SDCCAG8: variants seen among roughly 807,000 people sequenced by gnomAD.
SDCCAG8 encodes the protein serologically defined colon cancer antigen 8.
SDCCAG8 carries 74 observed loss-of-function variants against 101.8 expected under a neutral mutation model. That is an observed-to-expected ratio of 0.73 (90% CI 0.60 to 0.88). The LOEUF is 0.88. Ranked by LOEUF, SDCCAG8 falls within the 40% of genes least tolerant of loss-of-function variation. The pLI is 0.00. For missense variants in SDCCAG8, 787 were observed against 822.6 expected (o/e 0.96, Z 0.53); for synonymous variants, 281 against 292.9 (o/e 0.96, Z 0.41).
At chr1:243,328,511 A>T (rs1293256516) in intron 9 of SDCCAG8, among the ~76,000 whole-genome samples, 8 of 151,536 alleles carry the variant, frequency 5.3e-5, no homozygotes, top group Admixed American at 5.3e-4. Flanking sequence ...TCCTGACCTC[A>T]AGCAATCCAC....
At chr1:243,421,390 G>A (rs1016672492) in intron 15 of SDCCAG8, among the ~76,000 whole-genome samples, 2 of 152,202 alleles carry the variant, frequency 1.3e-5, no homozygotes, top group African/African-American at 4.8e-5. Context: ...CTCTGCCCCA[G>A]CTTCATGCTA....
chr1:243,497,751 A>T (rs372968026), intron 17 of SDCCAG8, among the ~76,000 whole-genome samples: 10 of 152,150 alleles, frequency 6.6e-5, no homozygotes, highest in Non-Finnish European at 1.3e-4. Context: ...CCCAAAATTC[A>T]TCACTGCAGC....
chr1:243,355,118 T>G (rs2076311424), intron 12 of SDCCAG8, among the ~76,000 whole-genome samples: 1 of 152,234 alleles, frequency 6.6e-6, no homozygotes. Flanking sequence ...TCAAGTTAAT[T>G]TAACTCTTTT....
intron 16 of SDCCAG8, among the ~76,000 whole-genome samples, chr1:243,478,956 C>CAAAACAAAAAAA (rs1662957018): frequency 1.1e-5 from 1 of 94,726 alleles, no homozygotes; most frequent in Non-Finnish European, 2.0e-5. Context: ...GACTCTGTCT[C>CAAAACAAAAAAA]AAAAAAAAAA....
rs778488043 is a variant in SDCCAG8 at position 243,499,765 on chromosome 1, A to G, written c.2122A>G (p.Met708Val). Residue 708 changes from methionine to valine, a missense_variant, in exon 18 of 18, where the codon ATG (methionine) becomes GTG (valine). Met to Val is a conservative substitution (Grantham distance 21). Transcript: ENST00000366541. ...TTATTATTTTTTCCAGTTACCCAGC[A>G]TGCCACAATCTGATTGCTGACCTGG... is the stretch of plus-strand genomic sequence containing the variant. ...VDRLRTQLPS[M>V]PQSDC 4 of 1,612,424 alleles carry G rather than the reference A, an allele frequency of 2.5e-6. No homozygotes were observed. Among genetic ancestry groups the G allele is most frequent in the Middle Eastern group, 3.3e-4 (2 of 6,060 alleles).
intron 13 of SDCCAG8, among the ~76,000 whole-genome samples, chr1:243,382,575 C>G (rs1328215526): frequency 6.6e-6 from 1 of 152,218 alleles, no homozygotes; most frequent in Admixed American, 6.5e-5. Flanking sequence ...TATCTACTAT[C>G]TGTCCCTTTA....
intron 8 of SDCCAG8, 45 bp from the exon 9 acceptor site, chr1:243,316,710 T>C (rs747862454): frequency 1.2e-6 from 2 of 1,612,844 alleles, no homozygotes; most frequent in East Asian, 4.5e-5. Context: ...GAGGACAGGA[T>C]CGTTTGATCA....
intron 11 of SDCCAG8, among the ~76,000 whole-genome samples, chr1:243,343,589 A>T (rs181138371): frequency 6.6e-6 from 1 of 152,232 alleles, no homozygotes; most frequent in African/African-American, 2.4e-5. Flanking sequence ...TGTTACAGTC[A>T]TAAGTGCATA....
chr1:243,490,320 T>TGG (rs1218736141), intron 17 of SDCCAG8, among the ~76,000 whole-genome samples: 11 of 152,066 alleles, frequency 7.2e-5, no homozygotes, highest in Admixed American at 7.2e-4. Context: ...CCAGGGACTG[T>TGG]GGGGGAGCGG....
chr1:243,480,591 GTGGATGGGTGGGA>G (rs1395589745), intron 16 of SDCCAG8, among the ~76,000 whole-genome samples: 4 of 1,050 alleles, frequency 3.8e-3, no homozygotes, highest in African/African-American at 3.1e-3. Flanking sequence ...GGATGGATGG[GTGGATGGGTGGGA>G]TGGATGGATG....
intron 16 of SDCCAG8, among the ~76,000 whole-genome samples, chr1:243,478,969 A>AAAAAAAG (rs1427346452): frequency 6.6e-6 from 1 of 151,824 alleles, no homozygotes; most frequent in Non-Finnish European, 1.5e-5. Context: ...AAAAAAAAAA[A>AAAAAAAG]AAAAAAAAGA....
chr1:243,464,097 T>C (rs1659671275), intron 16 of SDCCAG8, among the ~76,000 whole-genome samples: 1 of 152,210 alleles, frequency 6.6e-6, no homozygotes, highest in African/African-American at 2.4e-5. Flanking sequence ...CAAAAGTGGC[T>C]ATCACAATTA....
At chr1:243,316,554 C>T (rs2149331191) in intron 8 of SDCCAG8, among the ~76,000 whole-genome samples, 1 of 152,330 alleles carries the variant, frequency 6.6e-6, no homozygotes, top group Middle Eastern at 3.4e-3. Flanking sequence ...GCCACGAAGG[C>T]TCTTAGCCTT....
Position 243,330,535 on chromosome 1 carries a change from G to A in SDCCAG8, c.1069-5G>A. On this transcript the variant is annotated splice_region_variant and splice_polypyrimidine_tract_variant and intron_variant, in intron 9 of 17. Transcript: ENST00000366541. ...CTCCTCTTTCAATCTGTTCTATCCT[G>A]GCAGGCTTTAATCCAGTGTGACCAG... The A allele has an allele frequency of 1.2e-6, 2 of 1,613,918 alleles. No individual in the cohort carries two copies. Among genetic ancestry groups the A allele is most frequent in the Non-Finnish European group, 8.5e-7 (1 of 1,179,948 alleles).
intron 17 of SDCCAG8, among the ~76,000 whole-genome samples, chr1:243,492,294 G>GTTT (rs1558547697): frequency 6.6e-5 from 4 of 60,160 alleles, no homozygotes; most frequent in African/African-American, 1.2e-4. Context: ...TCGTTTCTTG[G>GTTT]CTTTTTTTTT....
intron 13 of SDCCAG8, among the ~76,000 whole-genome samples, chr1:243,408,865 A>C (rs1366741323): frequency 6.6e-6 from 1 of 152,224 alleles, no homozygotes; most frequent in East Asian, 1.9e-4. Flanking sequence ...AAACATTAGT[A>C]ATTAGTAGCT....
rs369480334 is a variant in SDCCAG8 at position 243,378,896 on chromosome 1, C to T, written c.1616+33C>T. 5.9e-5 allele frequency: 95 copies of T among 1,613,538 alleles called. No individual in the cohort carries two copies. In the Admixed American group the frequency reaches 1.1e-3, roughly 18 times the overall value. Reference sequence around the variant, plus strand: ...CTAATCCCATTATGCGCCATAGCACCGATTTCATTCCACTGATTTTTGCCA... The same window carrying T: ...CTAATCCCATTATGCGCCATAGCACTGATTTCATTCCACTGATTTTTGCCA... On this transcript the variant is annotated intron_variant, in intron 13 of 17. Coordinates refer to ENST00000366541, the MANE Select transcript of SDCCAG8 (RefSeq NM_006642.5).
intron 13 of SDCCAG8, among the ~76,000 whole-genome samples, chr1:243,400,029 A>G (rs900868471): frequency 2.0e-5 from 3 of 152,230 alleles, no homozygotes; most frequent in East Asian, 1.9e-4. Context: ...ACTGAAGCCT[A>G]GGCAGCTAGG....
intron 1 of SDCCAG8, among the ~76,000 whole-genome samples, chr1:243,266,158 C>T (rs1443406676): frequency 6.6e-6 from 1 of 152,104 alleles, no homozygotes; most frequent in African/African-American, 2.4e-5. Flanking sequence ...CCAATACTTC[C>T]AATACATTTC....
Sources: gnomAD v4.1 joint callset for allele counts (sites outside exome capture counted in the v4.1 genomes callset) on GRCh38, gnomAD v4.1.1 for gene constraint, MANE v1.5 for transcripts, NCBI Gene and HGNC (gene_info 2026-07-23, HGNC 2026-07-21) for gene names.